MBNL2: variants seen among roughly 807,000 people sequenced by gnomAD.
MBNL2 encodes the protein muscleblind-like protein 2.
In MBNL2, 17 loss-of-function variants were observed where a neutral mutation model predicts 41.9. That is an observed-to-expected ratio of 0.41 (90% CI 0.28 to 0.61). The LOEUF is 0.61. MBNL2 is among the 20% of genes least tolerant of loss of function. The pLI, the probability that MBNL2 is intolerant of heterozygous loss-of-function variation, is 0.35. For missense variants in MBNL2, 336 were observed against 505.6 expected (o/e 0.66, Z 3.22); for synonymous variants, 195 against 182.9 (o/e 1.07, Z -0.53).
At chr13:97,359,736 C>T (rs750189972) in intron 7 of MBNL2, among the ~76,000 whole-genome samples, 1 of 152,034 alleles carries the variant, frequency 6.6e-6, no homozygotes, top group African/African-American at 2.4e-5. Flanking sequence ...TGGGTCCTAG[C>T]GCACCAATAC....
chr13:97,154,841 A>ATG, the MBNL2 span, among the ~76,000 whole-genome samples: 12 of 124,518 alleles, frequency 9.6e-5, no homozygotes, highest in Admixed American at 3.3e-4. Context: ...ATGGATGGAT[A>ATG]GACAAGCTGA....
chr13:97,241,045 C>CATTATATCTG (rs2044167948), intron 1 of MBNL2, among the ~76,000 whole-genome samples: 1 of 152,172 alleles, frequency 6.6e-6, no homozygotes, highest in Non-Finnish European at 1.5e-5. Flanking sequence ...GAAACACTCC[C>CATTATATCTG]ATTATATCTG....
chr13:97,322,477 T>C (rs937043694), intron 2 of MBNL2, among the ~76,000 whole-genome samples: 5 of 152,216 alleles, frequency 3.3e-5, no homozygotes, highest in African/African-American at 4.8e-5. Context: ...GAAAAACCCA[T>C]TGTAAATTGA....
At chr13:97,173,925 C>T in the MBNL2 span, among the ~76,000 whole-genome samples, 1 of 152,116 alleles carries the variant, frequency 6.6e-6, no homozygotes, top group Non-Finnish European at 1.5e-5. Flanking sequence ...TTCCATGGAA[C>T]TCCCTAAATT....
chr13:97,297,438 G>A (rs1397095509), intron 2 of MBNL2, among the ~76,000 whole-genome samples: 1 of 152,106 alleles, frequency 6.6e-6, no homozygotes, highest in Non-Finnish European at 1.5e-5. Flanking sequence ...CCAGTCCAGG[G>A]GTTGCGGAGG....
At chr13:97,310,842 G>C (rs969866687) in intron 2 of MBNL2, among the ~76,000 whole-genome samples, 8 of 143,198 alleles carry the variant, frequency 5.6e-5, no homozygotes, top group South Asian at 2.2e-4. Context: ...AAGGAAAAGA[G>C]AAACATATTA....
At chr13:97,384,136 A>T (rs1018657408) in intron 8 of MBNL2, among the ~76,000 whole-genome samples, 1 of 152,026 alleles carries the variant, frequency 6.6e-6, no homozygotes, top group Non-Finnish European at 1.5e-5. Flanking sequence ...CCTGACCTCA[A>T]GTGATCTGTC....
At chr13:97,285,810 T>C (rs1377983454) in intron 2 of MBNL2, among the ~76,000 whole-genome samples, 2 of 151,964 alleles carry the variant, frequency 1.3e-5, no homozygotes, top group Non-Finnish European at 2.9e-5. Flanking sequence ...TCACACTGAT[T>C]TGGTGATTCA....
chr13:97,234,545 T>A (rs1260749865), intron 1 of MBNL2, among the ~76,000 whole-genome samples: 1 of 152,108 alleles, frequency 6.6e-6, no homozygotes, highest in Non-Finnish European at 1.5e-5. Flanking sequence ...GCGGGACAGA[T>A]GATCTTCCAC....
intron 2 of MBNL2, among the ~76,000 whole-genome samples, chr13:97,279,698 G>A (rs749504147): frequency 2.6e-5 from 4 of 152,182 alleles, no homozygotes; most frequent in Non-Finnish European, 5.9e-5. Context: ...AGGAATCTAT[G>A]TTGGCCTATC....
At position 97,252,513 on chromosome 13, in the gene MBNL2, C is replaced by CAATATATTCAAATTCAA. The variant is rs1594097319; in HGVS notation, c.-604-23119_-604-23118insAATATATTCAAATTCAA. On this transcript the variant is annotated intron_variant, in intron 1 of 8. Transcript: ENST00000679496. ...TTAGATGACAAGAATCTACAAATAT[C>CAATATATTCAAATTCAA]TTTCAATTATATTCAAATATTATTT... Among the ~76,000 whole-genome samples the CAATATATTCAAATTCAA allele has an allele frequency of 3.3e-5, 5 of 152,230 alleles. No individual in the cohort carries two copies. The East Asian group carries it at 9.6e-4, about 29-fold the overall frequency.
chr13:97,203,211 C>T, the MBNL2 span, among the ~76,000 whole-genome samples: 2 of 152,162 alleles, frequency 1.3e-5, no homozygotes, highest in East Asian at 1.9e-4. Flanking sequence ...CACTGCTTTG[C>T]AGAAGACATT....
the MBNL2 span, among the ~76,000 whole-genome samples, chr13:97,212,343 G>A: frequency 3.3e-5 from 5 of 152,058 alleles, no homozygotes; most frequent in African/African-American, 7.2e-5. Context: ...TTCAGAGGGC[G>A]CTTTCTGCAT....
At chr13:97,230,543 C>T (rs1050279416) in intron 1 of MBNL2, among the ~76,000 whole-genome samples, 5 of 152,128 alleles carry the variant, frequency 3.3e-5, no homozygotes, top group African/African-American at 4.8e-5. Context: ...GCTCACACCT[C>T]GTGAAAGAAG....
intron 4 of MBNL2, among the ~76,000 whole-genome samples, chr13:97,343,770 G>C (rs913384043): frequency 1.3e-5 from 2 of 152,216 alleles, no homozygotes; most frequent in Non-Finnish European, 1.5e-5. Flanking sequence ...TTGCTAAACA[G>C]GGGAAATTGG....
chr13:97,144,423 C>CTTT, the MBNL2 span, among the ~76,000 whole-genome samples: 125 of 118,000 alleles, frequency 1.1e-3, no homozygotes, highest in East Asian at 1.8e-3. Flanking sequence ...CATGATACTT[C>CTTT]TTTTTTTTTT....
In MBNL2 at chr13:97,393,185, T is replaced by C. The variant is rs919952032; in HGVS notation, c.*1736T>C. 1 of 152,532 alleles carries C rather than the reference T, an allele frequency of 6.6e-6. No individual in the cohort carries two copies. The highest frequency in any genetic ancestry group is 1.5e-5 in the Non-Finnish European group (1 of 67,936). 9.4% of individuals were successfully genotyped at this position (152,532 alleles called of 1,614,324 possible). A position where few individuals can be genotyped will look rare whatever the true frequency, so the allele number is the denominator to read the frequency against. ...TATTACTTTGGTAGTTTCATCTTTATGTATTATTGATATTTGTAATTTTCT... is the reference window on the plus strand; with the variant it reads ...TATTACTTTGGTAGTTTCATCTTTACGTATTATTGATATTTGTAATTTTCT... On this transcript the variant is annotated 3_prime_UTR_variant, in exon 9 of 9. Transcript: ENST00000679496.
At chr13:97,263,296 A>G (rs549116180) in intron 1 of MBNL2, among the ~76,000 whole-genome samples, 1 of 152,120 alleles carries the variant, frequency 6.6e-6, no homozygotes, top group Non-Finnish European at 1.5e-5. Flanking sequence ...AATGTATCCT[A>G]GGTGGTGCTT....
chr13:97,144,935 C>T, the MBNL2 span, among the ~76,000 whole-genome samples: 86 of 152,232 alleles, frequency 5.6e-4, no homozygotes, highest in African/African-American at 2.0e-3. Context: ...ACTCATTAGG[C>T]GAATTTCAAA....
Sources: gnomAD v4.1 joint callset for allele counts (sites outside exome capture counted in the v4.1 genomes callset) on GRCh38, gnomAD v4.1.1 for gene constraint, MANE v1.5 for transcripts, NCBI Gene and HGNC (gene_info 2026-07-23, HGNC 2026-07-21) for gene names.